SGCZ: variants seen among roughly 807,000 people sequenced by gnomAD.
The protein encoded by SGCZ is zeta-sarcoglycan.
In SGCZ, 40 loss-of-function variants were observed where a neutral mutation model predicts 41.3. The ratio of observed to expected loss-of-function variants is 0.97; its 90% CI spans 0.75 to 1.26. The LOEUF (loss-of-function observed/expected upper bound fraction) is 1.26, where lower values mean the gene tolerates loss of function less well. Among genes scored for constraint, SGCZ ranks in the 50% most tolerant of loss-of-function variants. The pLI is 0.00. For missense variants in SGCZ, 552 were observed against 369.8 expected (o/e 1.49, Z -4.04); for synonymous variants, 206 against 137.5 (o/e 1.50, Z -3.49).
In SGCZ at chr8:14,090,550, G is replaced by A. The variant is rs1475835538; in HGVS notation, c.832C>T (p.Gln278Ter). 1.4e-5 allele frequency: 23 copies of A among 1,613,022 alleles called. No homozygotes were observed. The highest frequency in any genetic ancestry group is 1.7e-5 in the Non-Finnish European group (20 of 1,179,478). Residue 278 changes from glutamine to a stop codon, truncating the protein, a stop_gained, in exon 8 of 8, where the codon CAG becomes TAG. Transcript: ENST00000382080. LOFTEE classifies it high-confidence loss of function. ...SSSPSSSSSR[Q>*]TVYELCVCPN... is the part of the protein sequence containing the mutation. ...CAGACGCAGAGTTCATACACTGTCT[G>A]TCGAGAACTTGAGGAGCTGGGTGAA... is the stretch of plus-strand genomic sequence containing the variant.
chr8:14,147,890 T>A (rs1475792749), intron 5 of SGCZ, among the ~76,000 whole-genome samples: 1 of 152,032 alleles, frequency 6.6e-6, no homozygotes, highest in Non-Finnish European at 1.5e-5. Flanking sequence ...TAGAAATTAA[T>A]AATAAGAGGA....
intron 5 of SGCZ, among the ~76,000 whole-genome samples, chr8:14,116,451 A>C (rs1347726509): frequency 6.6e-6 from 1 of 152,122 alleles, no homozygotes; most frequent in Admixed American, 6.6e-5. Context: ...TCGTACACAC[A>C]GCTTGCCTTA....
chr8:14,998,614 T>C (rs1292723686), intron 1 of SGCZ, among the ~76,000 whole-genome samples: 1 of 152,210 alleles, frequency 6.6e-6, no homozygotes, highest in Non-Finnish European at 1.5e-5. Flanking sequence ...CAATTTGCCA[T>C]TACAAGTTTC....
chr8:14,087,486 C>G lies in SGCZ; in HGVS notation c.*2957G>C, dbSNP rs1359522468. On this transcript the variant is annotated 3_prime_UTR_variant, in exon 8 of 8. Transcript: ENST00000382080. ...ACCTCTTTTTCTTCTTCCGTTTGTT[C>G]CTTCCTGGCGTACACTGAGTATGAA... Among the ~76,000 whole-genome samples the G allele has an allele frequency of 6.6e-6, 1 of 151,446 alleles. No individual in the cohort carries two copies. Among genetic ancestry groups the G allele is most frequent in the Non-Finnish European group, 1.5e-5 (1 of 67,704 alleles).
chr8:15,051,253 G>T (rs1035059483), intron 1 of SGCZ, among the ~76,000 whole-genome samples: 5 of 152,258 alleles, frequency 3.3e-5, no homozygotes, highest in South Asian at 2.1e-4. Context: ...AAGGACATGG[G>T]GAGGAGGCTA....
At chr8:14,994,491 G>A (rs1285776379) in intron 1 of SGCZ, among the ~76,000 whole-genome samples, 1 of 152,094 alleles carries the variant, frequency 6.6e-6, no homozygotes, top group Admixed American at 6.5e-5. Flanking sequence ...GGCTGAGGCA[G>A]GAGAATTGCT....
At chr8:14,217,698 C>T (rs992471953) in intron 4 of SGCZ, among the ~76,000 whole-genome samples, 3 of 135,996 alleles carry the variant, frequency 2.2e-5, no homozygotes, top group African/African-American at 8.2e-5. Context: ...GGTGTGATCT[C>T]GGCTCACTGC....
intron 2 of SGCZ, among the ~76,000 whole-genome samples, chr8:14,496,115 TAGTGCAGTGGCGTGATCATGGCTCACTGC>T (rs67433788): frequency 0.2 from 29,788 of 152,034 alleles, 2,939 homozygotes; most frequent in South Asian, 0.23. Flanking sequence ...ACCCAGGCTA[TAGTGCAGTGGCGTGATCATGGCTCACTGC>T]AGCCTCAAAC....
intron 4 of SGCZ, among the ~76,000 whole-genome samples, chr8:14,194,756 T>A (rs576580699): frequency 6.6e-6 from 1 of 152,016 alleles, no homozygotes; most frequent in South Asian, 2.1e-4. Flanking sequence ...AAACAAATTA[T>A]ATAAGCCATG....
intron 2 of SGCZ, among the ~76,000 whole-genome samples, chr8:14,500,738 A>G (rs1021553619): frequency 6.6e-6 from 1 of 152,140 alleles, no homozygotes; most frequent in African/African-American, 2.4e-5. Context: ...CACTAAGACA[A>G]GTAAATTTTA....
chr8:14,745,793 T>A (rs1292398051), intron 1 of SGCZ, among the ~76,000 whole-genome samples: 2 of 152,062 alleles, frequency 1.3e-5, no homozygotes, highest in African/African-American at 2.4e-5. Flanking sequence ...TCAACAGTTT[T>A]CTGGACATTG....
At chr8:14,196,575 A>G (rs1805273836) in intron 4 of SGCZ, among the ~76,000 whole-genome samples, 3 of 152,210 alleles carry the variant, frequency 2.0e-5, no homozygotes, top group Non-Finnish European at 4.4e-5. Flanking sequence ...TATATACACT[A>G]ATTTGTACAT....
At chr8:14,886,896 A>G (rs960255065) in intron 1 of SGCZ, among the ~76,000 whole-genome samples, 5 of 152,132 alleles carry the variant, frequency 3.3e-5, no homozygotes, top group African/African-American at 4.8e-5. Context: ...GTAACGGCAT[A>G]ATGACCTAGG....
chr8:14,750,056 G>C (rs900293256), intron 1 of SGCZ, among the ~76,000 whole-genome samples: 1 of 152,086 alleles, frequency 6.6e-6, no homozygotes, highest in African/African-American at 2.4e-5. Context: ...CAAAGCTGGG[G>C]CACCTTAAGA....
intron 6 of SGCZ, among the ~76,000 whole-genome samples, chr8:14,103,344 G>T (rs954895077): frequency 6.6e-6 from 1 of 152,164 alleles, no homozygotes; most frequent in Non-Finnish European, 1.5e-5. Flanking sequence ...GAAGAGGTAG[G>T]ATCCATGCAC....
chr8:14,186,366 T>C (rs1468970919), intron 4 of SGCZ, among the ~76,000 whole-genome samples: 1 of 152,198 alleles, frequency 6.6e-6, no homozygotes. Flanking sequence ...CATCCTAATG[T>C]GATGGAAATT....
At position 14,088,057 on chromosome 8, in the gene SGCZ, C is replaced by T. The variant is rs558056591; in HGVS notation, c.*2386G>A. 2.1e-4 allele frequency among the ~76,000 whole-genome samples: 32 copies of T among 151,806 alleles called. No individual in the cohort carries two copies. Among genetic ancestry groups the T allele is most frequent in the African/African-American group, 7.7e-4 (32 of 41,504 alleles). On this transcript the variant is annotated 3_prime_UTR_variant, in exon 8 of 8. Coordinates refer to ENST00000382080, the MANE Select transcript of SGCZ (RefSeq NM_139167.4). ...AGTCCCTCACTGGAATCGGTTTTTA[C>T]ATCTTTTTTTCTCACTTTTTTTTTC...
intron 1 of SGCZ, among the ~76,000 whole-genome samples, chr8:15,232,682 T>TATATATATATGTGTGTGTATATATATAC (rs1801983959): frequency 6.1e-5 from 7 of 114,698 alleles, no homozygotes; most frequent in African/African-American, 2.7e-4. Context: ...TGTGTATATA[T>TATATATATATGTGTGTGTATATATATAC]ATATATATGT....
intron 5 of SGCZ, among the ~76,000 whole-genome samples, chr8:14,116,119 G>A (rs1241749168): frequency 6.6e-6 from 1 of 151,962 alleles, no homozygotes; most frequent in East Asian, 1.9e-4. Flanking sequence ...AAAACAGATG[G>A]TACATAATTG....
Sources: allele counts gnomAD v4.1 joint callset (sites outside exome capture counted in the v4.1 genomes callset), GRCh38; gene constraint gnomAD v4.1.1; transcripts MANE v1.5; gene names NCBI Gene and HGNC (gene_info 2026-07-23, HGNC 2026-07-21).